Variants in ZCCHC14 observed in about 807,000 individuals in gnomAD.
The protein encoded by ZCCHC14 is zinc finger CCHC-type containing 14, also known as zinc finger CCHC domain-containing protein 14.
In ZCCHC14, 16 loss-of-function variants were observed where a neutral mutation model predicts 85.0. The observed-to-expected ratio is 0.19, with a 90% CI of 0.13 to 0.29. The LOEUF is 0.29. Ranked by LOEUF, ZCCHC14 falls within the 10% of genes least tolerant of loss-of-function variation. The pLI, the probability that ZCCHC14 is intolerant of heterozygous loss-of-function variation, is 1.00. For synonymous variants in ZCCHC14, 775 were observed against 630.7 expected, an observed-to-expected ratio of 1.23 and a Z score of -3.43; for missense variants, 1,303 against 1,443.5, an observed-to-expected ratio of 0.90 and a Z score of 1.58.
At chr16:87,477,868 C>G (rs1912093182) in intron 1 of ZCCHC14, among the ~76,000 whole-genome samples, 2 of 150,386 alleles carry the variant, frequency 1.3e-5, no homozygotes. Flanking sequence ...ACCGCACACA[C>G]CTGGGGAACA....
intron 3 of ZCCHC14, 108 bp downstream of exon 3, chr16:87,433,019 CG>C: frequency 8.4e-7 from 1 of 1,195,940 alleles, no homozygotes; most frequent in Non-Finnish European, 1.2e-6. Flanking sequence ...AGCACTGGCA[CG>C]GGGCTTTGCA....
Position 87,417,411 on chromosome 16 carries a change from G to C in ZCCHC14, c.1383+49C>G, listed in dbSNP as rs376180608. ...AACTCAATGCCCCCAGGGAGGTCTT[G>C]AGTAAACAATCTAGCAATTCTGTAC... On this transcript the variant is annotated intron_variant, in intron 8 of 12. Transcript: ENST00000671377. 4.4e-6 allele frequency: 7 copies of C among 1,592,790 alleles called. No individual in the cohort carries two copies. The African/African-American group carries it at 6.7e-5, about 15-fold the overall frequency.
rs891397671 is a variant in ZCCHC14, at chr16:87,420,313, T to C, written c.950+294A>G. Among the ~76,000 whole-genome samples the C allele has an allele frequency of 1.3e-5, 2 of 152,244 alleles. No homozygotes were observed. The highest frequency in any genetic ancestry group is 1.9e-4 in the East Asian group (1 of 5,196). Reference sequence around the variant, plus strand: ...ATTTTATCTGGGAATAGTCTCAACCTTGGACTACAGGATGGAAACAGCAGC... The same window carrying C: ...ATTTTATCTGGGAATAGTCTCAACCCTGGACTACAGGATGGAAACAGCAGC... On this transcript the variant is annotated intron_variant, in intron 5 of 12. Transcript: ENST00000671377. This position sits in a 1 kb window ranked among gnomAD's most constrained non-coding sequence, Gnocchi z 5.0.
In ZCCHC14 at chr16:87,409,290, A is replaced by C. The variant is rs907306981; in HGVS notation, c.*990T>G. The stretch of plus-strand genomic sequence containing the variant: ...CTCAGGTGTGAATCCGCTAGCGATA[A>C]GCCTCGGGGTTGGAGGTTCTTGGGG... On this transcript the variant is annotated 3_prime_UTR_variant, in exon 13 of 13. Coordinates refer to ENST00000671377, the MANE Select transcript of ZCCHC14 (RefSeq NM_015144.3). 6.6e-6 allele frequency: 1 copy of C among 152,244 alleles called. No individual in the cohort carries two copies. Among genetic ancestry groups the C allele is most frequent in the African/African-American group, 2.4e-5 (1 of 41,474 alleles). The allele number at this position is 152,244 out of a possible 1,614,324, so 9.4% of individuals were successfully genotyped here.
intron 2 of ZCCHC14, among the ~76,000 whole-genome samples, chr16:87,434,923 G>A (rs1010944713): frequency 4.0e-5 from 6 of 148,898 alleles, no homozygotes; most frequent in Non-Finnish European, 8.9e-5. Flanking sequence ...CCTGGGAGGC[G>A]GAGGTTGCAG....
intron 1 of ZCCHC14, among the ~76,000 whole-genome samples, chr16:87,483,223 C>T (rs1418916569): frequency 2.2e-5 from 3 of 137,556 alleles, no homozygotes; most frequent in Admixed American, 8.2e-5. Flanking sequence ...TTTGGGAGGC[C>T]GAGGTGGGTG....
intron 2 of ZCCHC14, among the ~76,000 whole-genome samples, chr16:87,458,697 C>T (rs899284867): frequency 1.3e-5 from 2 of 152,126 alleles, no homozygotes; most frequent in South Asian, 2.1e-4. Context: ...GTGCCAGGGA[C>T]GGGGACGGTG....
In ZCCHC14 at chr16:87,469,516, G is replaced by A. The variant is rs191352462; in HGVS notation, c.571-9385C>T. Among the ~76,000 whole-genome samples, 103 of 152,344 alleles carry A rather than the reference G, an allele frequency of 6.8e-4. 1 individual carries two copies. Among genetic ancestry groups the A allele is most frequent in the African/African-American group, 2.5e-3 (102 of 41,584 alleles). On this transcript the variant is annotated intron_variant, in intron 1 of 12. Coordinates refer to ENST00000671377, the MANE Select transcript of ZCCHC14 (RefSeq NM_015144.3). ...CGGCGGCCAGTGCTGGGTCCACACA[G>A]GGCAGCCCCTGTTTCGTCCACTATG...
In ZCCHC14 at chr16:87,412,657, C is replaced by A. The variant is rs1908531706; in HGVS notation, c.2064G>T (p.Val688=). The stretch of plus-strand genomic sequence containing the variant: ...TCATGGCGCTGCCAAAGCTCTTGTC[C>A]ACTTTCATGCTGCTTCTTGGTCCAG... ...KGSGPRSSMK[V]DKSFGSAMMD... is the part of the protein sequence containing the mutation. The change falls in exon 12 of 13, where the codon GTG becomes GTT. Residue 688 remains valine (V), a synonymous_variant. Coordinates refer to ENST00000671377, the MANE Select transcript of ZCCHC14 (RefSeq NM_015144.3). The A allele has an allele frequency of 1.2e-6, 2 of 1,614,088 alleles. No individual in the cohort carries two copies. Among genetic ancestry groups the A allele is most frequent in the Non-Finnish European group, 1.7e-6 (2 of 1,180,048 alleles).
In ZCCHC14 at chr16:87,423,791, G is replaced by A. The variant is rs894808984; in HGVS notation, c.840+19C>T. 6.8e-6 allele frequency: 11 copies of A among 1,611,806 alleles called. No individual in the cohort carries two copies. Among genetic ancestry groups the A allele is most frequent in the Non-Finnish European group, 8.5e-6 (10 of 1,178,878 alleles). ...AATGTGATTCTTTTAATTTTTATAA[G>A]AGCCCTTGATTACCTTACCTTTGAA... is the stretch of plus-strand genomic sequence containing the variant. On this transcript the variant is annotated intron_variant, in intron 4 of 12. Transcript: ENST00000671377.
chr16:87,422,394 G>A (rs905209470), intron 4 of ZCCHC14, among the ~76,000 whole-genome samples: 6 of 152,046 alleles, frequency 3.9e-5, no homozygotes, highest in East Asian at 1.9e-4. Context: ...GGGAGGATGC[G>A]GCAGAAGAAA....
chr16:87,435,610 C>T (rs564065754), intron 2 of ZCCHC14, among the ~76,000 whole-genome samples: 3 of 152,268 alleles, frequency 2.0e-5, no homozygotes, highest in Non-Finnish European at 4.4e-5. Flanking sequence ...TGCAAACACC[C>T]GGCCACGTCC....
chr16:87,479,200 T>C (rs891152935), intron 1 of ZCCHC14, among the ~76,000 whole-genome samples: 33 of 152,094 alleles, frequency 2.2e-4, no homozygotes, highest in African/African-American at 7.7e-4. Context: ...GCAGATCACC[T>C]GAGGTCAGGA....
intron 1 of ZCCHC14, among the ~76,000 whole-genome samples, chr16:87,481,021 G>C (rs1912243730): frequency 6.6e-6 from 1 of 152,226 alleles, no homozygotes; most frequent in Admixed American, 6.5e-5. Context: ...AGCTCCTGCA[G>C]CATGCATTTG....
chr16:87,411,306 GCT>G, intron 12 of ZCCHC14: 2 of 1,418,390 alleles, frequency 1.4e-6, no homozygotes, highest in African/African-American at 2.9e-5. Context: ...AGAACCAGAG[GCT>G]GTCTGAAATC....
At position 87,413,162 on chromosome 16, in the gene ZCCHC14, T is replaced by C. The variant is rs1212410926; in HGVS notation, c.1637A>G (p.Gln546Arg). The C allele has an allele frequency of 6.3e-7, 1 of 1,598,398 alleles. No homozygotes were observed. The highest frequency in any genetic ancestry group is 8.5e-7 in the Non-Finnish European group (1 of 1,172,858). Residue 546 changes from glutamine to arginine, a missense_variant, in exon 11 of 13, where the codon CAG (glutamine) becomes CGG (arginine). By Grantham distance (43) the Gln-to-Arg change is conservative. Coordinates refer to ENST00000671377, the MANE Select transcript of ZCCHC14 (RefSeq NM_015144.3). Reference protein sequence around the residue: ...LRVEVEQPHHQLPREGSSSEY... With the variant: ...LRVEVEQPHHRLPREGSSSEY... ...CGAGGAACTGCCTTCCCGGGGCAGC[T>C]GGTGATGGGGCTGCTCCACTTCCAC...
chr16:87,440,884 G>A (rs901456007), intron 2 of ZCCHC14, among the ~76,000 whole-genome samples: 6 of 152,088 alleles, frequency 3.9e-5, no homozygotes, highest in Non-Finnish European at 7.4e-5. Context: ...CAAAGTACTG[G>A]GCTTACAGGC....
chr16:87,433,931 A>G (rs1426305253), intron 2 of ZCCHC14, among the ~76,000 whole-genome samples: 1 of 152,216 alleles, frequency 6.6e-6, no homozygotes, highest in African/African-American at 2.4e-5. Flanking sequence ...GGCGAAAGCC[A>G]CCGTGCCTGG....
intron 1 of ZCCHC14, among the ~76,000 whole-genome samples, chr16:87,464,813 G>C (rs150268468): frequency 2.3e-3 from 357 of 152,272 alleles, no homozygotes; most frequent in South Asian, 0.011. Context: ...TATTTTTGGT[G>C]AAGTTAGTTT....
Sources: allele counts gnomAD v4.1 joint callset (sites outside exome capture counted in the v4.1 genomes callset), GRCh38; gene constraint gnomAD v4.1.1; non-coding constraint Gnocchi (gnomAD v3.1); transcripts MANE v1.5; gene names NCBI Gene and HGNC (gene_info 2026-07-23, HGNC 2026-07-21).